The following DLG2 variants were observed in gnomAD, a reference collection of about 807,000 sequenced individuals.
The protein encoded by DLG2 is discs large MAGUK scaffold protein 2.
DLG2 carries 45 observed loss-of-function variants against 132.5 expected under a neutral mutation model. That is an observed-to-expected ratio of 0.34 (90% CI 0.27 to 0.44). The LOEUF is 0.44. DLG2 is among the 20% of genes least tolerant of loss of function. The pLI is 1.00. For synonymous variants in DLG2, 424 were observed against 419.6 expected, an observed-to-expected ratio of 1.01 and a Z score of -0.13; for missense variants, 1,045 against 1,196.9, an observed-to-expected ratio of 0.87 and a Z score of 1.87.
chr11:84,975,382 A>G (rs1299720889), intron 6 of DLG2, among the ~76,000 whole-genome samples: 1 of 152,182 alleles, frequency 6.6e-6, no homozygotes, highest in African/African-American at 2.4e-5. Context: ...AGTTCCTTCA[A>G]AAAAGAATGG....
At chr11:84,860,877 A>T (rs2083517984) in intron 6 of DLG2, among the ~76,000 whole-genome samples, 1 of 151,566 alleles carries the variant, frequency 6.6e-6, no homozygotes, top group Admixed American at 6.6e-5. Context: ...GGAAGGGGGG[A>T]GGGGTGATAA....
intron 18 of DLG2, among the ~76,000 whole-genome samples, chr11:83,750,801 T>C (rs1019591947): frequency 6.6e-6 from 1 of 152,182 alleles, no homozygotes; most frequent in Non-Finnish European, 1.5e-5. Context: ...ATTTAAAAGG[T>C]ACCTTTAGGA....
chr11:83,773,771 T>C (rs2094484073), intron 18 of DLG2, among the ~76,000 whole-genome samples: 3 of 152,220 alleles, frequency 2.0e-5, no homozygotes, highest in Admixed American at 6.5e-5. Flanking sequence ...CAAATATGTA[T>C]TGAGTGCCAA....
intron 20 of DLG2, among the ~76,000 whole-genome samples, chr11:83,533,234 A>G (rs2095801704): frequency 6.6e-6 from 1 of 151,958 alleles, no homozygotes; most frequent in Non-Finnish European, 1.5e-5. Context: ...TCACTTTTTA[A>G]CCAAACATGT....
intron 3 of DLG2, among the ~76,000 whole-genome samples, chr11:85,597,438 T>A (rs571280389): frequency 6.6e-5 from 10 of 152,168 alleles, no homozygotes; most frequent in Non-Finnish European, 1.5e-4. Context: ...ATATAAGGTT[T>A]ATTCAAATTC....
chr11:83,616,742 T>C (rs981251702), intron 19 of DLG2, among the ~76,000 whole-genome samples: 1 of 152,212 alleles, frequency 6.6e-6, no homozygotes, highest in African/African-American at 2.4e-5. Context: ...TAGGAAGTTA[T>C]TTTTCAATAT....
chr11:84,488,086 G>T (rs768965009), intron 7 of DLG2, among the ~76,000 whole-genome samples: 9 of 152,090 alleles, frequency 5.9e-5, no homozygotes, highest in Non-Finnish European at 1.2e-4. Context: ...TTTACTGAAA[G>T]AAACTTCCAG....
intron 6 of DLG2, among the ~76,000 whole-genome samples, chr11:84,789,970 T>C (rs1338792903): frequency 3.3e-5 from 5 of 152,224 alleles, no homozygotes; most frequent in Non-Finnish European, 7.3e-5. Flanking sequence ...CCACATTTTC[T>C]TTATCAATTG....
chr11:85,451,783 C>A (rs1312729476), intron 3 of DLG2, among the ~76,000 whole-genome samples: 5 of 152,148 alleles, frequency 3.3e-5, no homozygotes, highest in Admixed American at 3.3e-4. Context: ...CTCTTGGCCC[C>A]AAGCAATCCT....
At chr11:83,484,041 G>T in intron 22 of DLG2, 88 bp downstream of exon 22, 1 of 1,038,372 alleles carries the variant, frequency 9.6e-7, no homozygotes, top group Non-Finnish European at 1.5e-6. Flanking sequence ...CTAGGTGTGT[G>T]GCGTGGGAGA....
At chr11:84,782,267 T>C (rs1424500410) in intron 6 of DLG2, among the ~76,000 whole-genome samples, 1 of 152,112 alleles carries the variant, frequency 6.6e-6, no homozygotes, top group Non-Finnish European at 1.5e-5. Flanking sequence ...ATTAAATATT[T>C]ATCCAAAATA....
At chr11:83,961,116 T>A (rs954389051) in intron 14 of DLG2, among the ~76,000 whole-genome samples, 1 of 152,046 alleles carries the variant, frequency 6.6e-6, no homozygotes, top group Non-Finnish European at 1.5e-5. Flanking sequence ...TGAGTACTTA[T>A]AATGTGCCAG....
At chr11:83,472,603 G>T (rs547159974) in intron 23 of DLG2, 124 bp downstream of exon 23, 8 of 764,124 alleles carry the variant, frequency 1.0e-5, no homozygotes, top group South Asian at 9.0e-5. Flanking sequence ...AGTAAGGTAC[G>T]GTCTCAAGAC....
intron 23 of DLG2, 71 bp downstream of exon 23, chr11:83,472,656 C>T (rs909710093): frequency 7.2e-7 from 1 of 1,383,918 alleles, no homozygotes; most frequent in Admixed American, 1.8e-5. Context: ...GTCCTTCACT[C>T]TTTCCCTCCT....
At chr11:84,739,452 A>G (rs569102266) in intron 6 of DLG2, among the ~76,000 whole-genome samples, 1 of 152,276 alleles carries the variant, frequency 6.6e-6, no homozygotes, top group East Asian at 1.9e-4. Context: ...TATTTACCCT[A>G]TGTTTGCCAA....
intron 7 of DLG2, among the ~76,000 whole-genome samples, chr11:84,289,498 G>T (rs536769219): frequency 6.6e-6 from 1 of 151,906 alleles, no homozygotes; most frequent in Admixed American, 6.6e-5. Context: ...GCTCATGGGG[G>T]AAATGAGACA....
chr11:85,388,573 C>T (rs890060042), intron 3 of DLG2, among the ~76,000 whole-genome samples: 23 of 152,248 alleles, frequency 1.5e-4, no homozygotes, highest in Non-Finnish European at 2.6e-4. Context: ...AAGACACAAG[C>T]AAGCGCTCAT....
intron 22 of DLG2, among the ~76,000 whole-genome samples, chr11:83,473,604 AT>A (rs528640415): frequency 4.0e-5 from 6 of 150,842 alleles, no homozygotes; most frequent in Admixed American, 1.3e-4. Context: ...AAGTGTCTGC[AT>A]TTTTTTTTGC....
At chr11:83,485,067 T>TTAAC (rs1243431559) in intron 21 of DLG2, among the ~76,000 whole-genome samples, 1 of 151,824 alleles carries the variant, frequency 6.6e-6, no homozygotes, top group Non-Finnish European at 1.5e-5. Flanking sequence ...TAACTTGATA[T>TTAAC]TAACTTAACT....
Sources: gnomAD v4.1 joint callset for allele counts (sites outside exome capture counted in the v4.1 genomes callset) on GRCh38, gnomAD v4.1.1 for gene constraint, MANE v1.5 for transcripts, NCBI Gene and HGNC (gene_info 2026-07-23, HGNC 2026-07-21) for gene names.